Variants in UBAC2 observed in about 807,000 individuals in gnomAD.
UBAC2 encodes UBA domain containing 2, also known as ubiquitin-associated domain-containing protein 2.
UBAC2 carries 26 observed loss-of-function variants against 44.0 expected under a neutral mutation model. That is an observed-to-expected ratio of 0.59 (90% CI 0.43 to 0.82). The LOEUF (loss-of-function observed/expected upper bound fraction) is 0.82, where lower values mean the gene tolerates loss of function less well. Ranked by LOEUF, UBAC2 falls within the 40% of genes least tolerant of loss-of-function variation. UBAC2 has a pLI of 0.00. For synonymous variants in UBAC2, 155 were observed against 154.3 expected (o/e 1.00, Z -0.04); for missense variants, 329 against 419.4 (o/e 0.78, Z 1.88).
chr13:99,362,687 CTT>C (rs1186435724), intron 7 of UBAC2, among the ~76,000 whole-genome samples: 1 of 152,162 alleles, frequency 6.6e-6, no homozygotes, highest in African/African-American at 2.4e-5. Context: ...CTGCTTTTCT[CTT>C]GAGTCACTTA....
At chr13:99,270,703 A>G (rs1365885933) in intron 4 of UBAC2, among the ~76,000 whole-genome samples, 2 of 152,228 alleles carry the variant, frequency 1.3e-5, no homozygotes, top group African/African-American at 4.8e-5. Context: ...AAAATAAGGA[A>G]CAGGAAGCTG....
At chr13:99,252,507 A>G (rs1171701624) in intron 4 of UBAC2, among the ~76,000 whole-genome samples, 1 of 152,232 alleles carries the variant, frequency 6.6e-6, no homozygotes, top group Non-Finnish European at 1.5e-5. Context: ...ATAGATGCTC[A>G]TGACTATGAT....
intron 6 of UBAC2, among the ~76,000 whole-genome samples, chr13:99,324,301 T>G (rs1381323650): frequency 6.6e-6 from 1 of 152,182 alleles, no homozygotes; most frequent in Non-Finnish European, 1.5e-5. Flanking sequence ...TTTTGTTGTT[T>G]GACTTACACT....
At chr13:99,217,582 G>A (rs190408778) in intron 1 of UBAC2, among the ~76,000 whole-genome samples, 2 of 152,270 alleles carry the variant, frequency 1.3e-5, no homozygotes, top group South Asian at 2.1e-4. Flanking sequence ...GAGGCACCCC[G>A]GCTTGGGGCC....
At chr13:99,264,923 G>A (rs2043720798) in intron 4 of UBAC2, among the ~76,000 whole-genome samples, 2 of 151,246 alleles carry the variant, frequency 1.3e-5, no homozygotes, top group African/African-American at 4.9e-5. Context: ...AAAGCACTCA[G>A]TCCCCTGATG....
At chr13:99,283,892 G>C (rs761049502) in intron 4 of UBAC2, among the ~76,000 whole-genome samples, 8 of 151,772 alleles carry the variant, frequency 5.3e-5, no homozygotes, top group African/African-American at 1.9e-4. Context: ...GTGCCACCAC[G>C]CCCAGCTAAT....
chr13:99,318,483 C>A (rs1284951151), intron 6 of UBAC2, among the ~76,000 whole-genome samples: 1 of 150,316 alleles, frequency 6.7e-6, no homozygotes, highest in Non-Finnish European at 1.5e-5. Context: ...ATTCTTTTAA[C>A]CCATGGCAGG....
At chr13:99,384,906 C>T (rs561547477) in intron 8 of UBAC2, among the ~76,000 whole-genome samples, 4 of 152,352 alleles carry the variant, frequency 2.6e-5, no homozygotes, top group South Asian at 2.1e-4. Flanking sequence ...CGTGTGTCCT[C>T]GCAGTGAGCC....
intron 6 of UBAC2, among the ~76,000 whole-genome samples, chr13:99,327,944 C>T (rs931701232): frequency 1.3e-5 from 2 of 152,104 alleles, no homozygotes; most frequent in African/African-American, 4.8e-5. Context: ...TACTCACCAC[C>T]ATAATCAATA....
At chr13:99,320,321 T>C (rs190465062) in intron 6 of UBAC2, among the ~76,000 whole-genome samples, 69 of 152,298 alleles carry the variant, frequency 4.5e-4, no homozygotes, top group African/African-American at 1.4e-3. Flanking sequence ...CTGTTTTAAC[T>C]TTTTAAAAGG....
chr13:99,259,619 A>G (rs2043627197), intron 4 of UBAC2, among the ~76,000 whole-genome samples: 2 of 152,192 alleles, frequency 1.3e-5, no homozygotes, highest in African/African-American at 2.4e-5. Context: ...TGTCCACTAG[A>G]TAGGACTTCT....
At chr13:99,376,818 G>C (rs2045486031) in intron 8 of UBAC2, 1 of 152,210 alleles carries the variant, frequency 6.6e-6, no homozygotes, top group African/African-American at 2.4e-5. Flanking sequence ...TGTGATGCCT[G>C]AGCAGGAGGA....
At chr13:99,366,628 ATT>A (rs5806111) in intron 7 of UBAC2, among the ~76,000 whole-genome samples, 1 of 151,424 alleles carries the variant, frequency 6.6e-6, no homozygotes, top group Non-Finnish European at 1.5e-5. Context: ...TTTTAGTTTG[ATT>A]TTTTTTTCAT....
chr13:99,374,313 T>C (rs1187795279), intron 8 of UBAC2, among the ~76,000 whole-genome samples: 1 of 152,180 alleles, frequency 6.6e-6, no homozygotes, highest in East Asian at 1.9e-4. Context: ...CAGGTCTTCT[T>C]GTTTTGGGAT....
chr13:99,382,274 A>G (rs1977253), intron 8 of UBAC2, among the ~76,000 whole-genome samples: 122,070 of 151,666 alleles, frequency 0.8, 49,804 homozygotes, highest in Middle Eastern at 0.92. Context: ...ATCAGATGGA[A>G]TTTAACAGAG....
intron 1 of UBAC2, chr13:99,215,748 C>A: frequency 2.2e-6 from 3 of 1,393,232 alleles, no homozygotes; most frequent in Non-Finnish European, 2.9e-6. Flanking sequence ...CCCAGCCTTA[C>A]CGTCAGCCAT....
chr13:99,235,262 C>G (rs1594028962), intron 1 of UBAC2, among the ~76,000 whole-genome samples: 1 of 152,068 alleles, frequency 6.6e-6, no homozygotes, highest in South Asian at 2.1e-4. Context: ...CTATCAAACA[C>G]TGATGAAAGA....
chr13:99,246,278 C>T (rs2043382286), intron 4 of UBAC2, among the ~76,000 whole-genome samples: 1 of 152,172 alleles, frequency 6.6e-6, no homozygotes, highest in Non-Finnish European at 1.5e-5. Context: ...GCATAAAGTT[C>T]TGTGTCATAA....
At chr13:99,322,061 A>G (rs2044575256) in intron 6 of UBAC2, among the ~76,000 whole-genome samples, 1 of 152,242 alleles carries the variant, frequency 6.6e-6, no homozygotes, top group Non-Finnish European at 1.5e-5. Flanking sequence ...AGGACTTTTC[A>G]TGAAATGTTG....
Sources: gnomAD v4.1 joint callset for allele counts (sites outside exome capture counted in the v4.1 genomes callset) on GRCh38, gnomAD v4.1.1 for gene constraint, MANE v1.5 for transcripts, NCBI Gene and HGNC (gene_info 2026-07-23, HGNC 2026-07-21) for gene names.